Variants in ZNF689 observed in about 807,000 individuals in gnomAD.
The protein encoded by ZNF689 is short ORF-encoded histone-binding protein.
ZNF689 carries 14 observed loss-of-function variants against 37.2 expected under a neutral mutation model. The ratio of observed to expected loss-of-function variants is 0.38; its 90% CI spans 0.25 to 0.59. ZNF689 has a LOEUF of 0.59. Ranked by LOEUF, ZNF689 falls within the 20% of genes least tolerant of loss-of-function variation. The pLI is 0.68. For missense variants in ZNF689, 573 were observed against 700.2 expected, an observed-to-expected ratio of 0.82 and a Z score of 2.05; for synonymous variants, 277 against 283.3, an observed-to-expected ratio of 0.98 and a Z score of 0.22.
In ZNF689 at chr16:30,603,824, T is replaced by G. The variant is rs2052005299; in HGVS notation, c.*440A>C. 2 of 333,418 alleles carry G rather than the reference T, an allele frequency of 6.0e-6. No individual in the cohort carries two copies. Among genetic ancestry groups the G allele is most frequent in the Non-Finnish European group, 1.2e-5 (2 of 169,242 alleles). The allele number at this position is 333,418 out of a possible 1,614,324, so 20.7% of individuals were successfully genotyped here. ...TTCAAGCAATGGGTAGAAGACCACT[T>G]GGCAGGAGTGTTGCAAAAAGTGGGC... On this transcript the variant is annotated 3_prime_UTR_variant, in exon 3 of 3. Transcript: ENST00000287461.
chr16:30,609,267 CAAAAAAAAA>C (rs77079521), intron 2 of ZNF689, among the ~76,000 whole-genome samples: 10 of 60,722 alleles, frequency 1.6e-4, no homozygotes, highest in Admixed American at 3.8e-4. Context: ...AATGTTTCTA[CAAAAAAAAA>C]AAAAAAAAAA....
intron 2 of ZNF689, among the ~76,000 whole-genome samples, chr16:30,607,925 G>A (rs1031810305): frequency 3.9e-5 from 6 of 152,190 alleles, no homozygotes; most frequent in African/African-American, 1.4e-4. Flanking sequence ...TCGTGCCACT[G>A]CACTCCTGCC....
chr16:30,607,503 A>G (rs897526576), intron 2 of ZNF689, among the ~76,000 whole-genome samples: 3 of 151,860 alleles, frequency 2.0e-5, no homozygotes, highest in African/African-American at 7.3e-5. Context: ...AGTCAAGATG[A>G]TTACTTGAAA....
rs1416733975 is a variant in ZNF689, at chr16:30,602,709, G to C, written c.*1555C>G. The stretch of plus-strand genomic sequence containing the variant: ...AATTACATAAAGCTGTGTTCCCCCA[G>C]CTGCTCCCCTGCTTGTGCTGAGATC... On this transcript the variant is annotated 3_prime_UTR_variant, in exon 3 of 3. Transcript: ENST00000287461. 6.6e-6 allele frequency: 1 copy of C among 152,202 alleles called. No individual in the cohort carries two copies. Among genetic ancestry groups the C allele is most frequent in the African/African-American group, 2.4e-5 (1 of 41,442 alleles). The allele number at this position is 152,202 out of a possible 1,614,324, so 9.4% of individuals were successfully genotyped here.
chr16:30,604,654 C>A lies in ZNF689; in HGVS notation c.1113G>T (p.Lys371Asn). Residue 371 changes from lysine to asparagine, a missense_variant, in exon 3 of 3, where the codon AAG becomes AAT. This residue lies in a region of ZNF689 where 317 missense variants were observed against 367.1 expected (regional missense o/e 0.86). Coordinates refer to ENST00000287461, the MANE Select transcript of ZNF689 (RefSeq NM_138447.3). This position sits in a 1 kb window ranked among gnomAD's most constrained non-coding sequence, Gnocchi z 5.2. The stretch of plus-strand genomic sequence containing the variant: ...GCCCACAGTCTGGGCAGGGGTAGGG[C>A]TTCTCTCCGGTGTGCAAGAGCTGGT... The part of the protein sequence containing the change: ...LQHQLLHTGE[K>N]PYPCPDCGRA... 1 of 1,611,494 alleles carries A rather than the reference C, an allele frequency of 6.2e-7. No individual in the cohort carries two copies.
intron 2 of ZNF689, chr16:30,608,379 A>G (rs1254529415): frequency 6.6e-6 from 1 of 152,084 alleles, no homozygotes; most frequent in Non-Finnish European, 1.5e-5. Context: ...CCCAGGATCA[A>G]GCAATTCTCC....
At position 30,610,022 on chromosome 16, in the gene ZNF689, G is replaced by C. The variant is rs143395124; in HGVS notation, c.20C>G (p.Pro7Arg). The part of the protein sequence containing the change: MAPPSA[P>R]LPAQGPGKAR... ...CTTTCCTGGTCCCTGCGCAGGGAGC[G>C]GAGCCGAAGGTGGCGCCATGGGACC... The change falls in exon 1 of 3, where the codon CCG becomes CGG. Residue 7 changes from proline (P) to arginine (R), a missense_variant. This residue lies in a region of ZNF689 where 252 missense variants were observed against 313.3 expected (regional missense o/e 0.80). Transcript: ENST00000287461. The C allele has an allele frequency of 6.3e-7, 1 of 1,599,794 alleles. No individual in the cohort carries two copies. The highest frequency in any genetic ancestry group is 8.5e-7 in the Non-Finnish European group (1 of 1,174,630).
intron 2 of ZNF689, among the ~76,000 whole-genome samples, chr16:30,607,573 A>G (rs2151245576): frequency 6.6e-6 from 1 of 152,192 alleles, no homozygotes; most frequent in Middle Eastern, 3.4e-3. Flanking sequence ...CCTGGGTGGA[A>G]GAGCAAAACT....
rs776268453 is a variant in ZNF689, at chr16:30,604,068, G to T, written c.*196C>A. 12 of 727,088 alleles carry T rather than the reference G, an allele frequency of 1.7e-5. No individual in the cohort carries two copies. The highest frequency in any genetic ancestry group is 3.0e-5 in the Non-Finnish European group (12 of 406,194). 45.0% of individuals were successfully genotyped at this position (727,088 alleles called of 1,614,324 possible). On this transcript the variant is annotated 3_prime_UTR_variant, in exon 3 of 3. Coordinates refer to ENST00000287461, the MANE Select transcript of ZNF689 (RefSeq NM_138447.3). The surrounding 1 kb of genome is among the most constrained non-coding windows in gnomAD (Gnocchi z 5.2). ...GTAGCTTGGAAAACTTTAAGCAAAT[G>T]ACGTCACCTCTCCTAATGGGACTGT...
rs373446010 is a variant in ZNF689 at position 30,604,530 on chromosome 16, G to C, written c.1237C>G (p.Pro413Ala). The part of the protein sequence containing the change: ...CDDCGRRFAY[P>A]SLLASHRRVH... ...CGCCGGTGGCTGGCCAGCAGTGAGG[G>C]GTAGGCAAAGCGGCGACCACAGTCG... Residue 413 changes from proline to alanine, a missense_variant, in exon 3 of 3, where the codon CCC becomes GCC. By Grantham distance (27) the Pro-to-Ala change is conservative (BLOSUM62 -1). Coordinates refer to ENST00000287461, the MANE Select transcript of ZNF689 (RefSeq NM_138447.3). The surrounding 1 kb of genome is among the most constrained non-coding windows in gnomAD (Gnocchi z 5.2). The C allele has an allele frequency of 1.8e-5, 28 of 1,592,944 alleles. No individual in the cohort carries two copies. Among genetic ancestry groups the C allele is most frequent in the African/African-American group, 2.7e-5 (2 of 74,204 alleles).
At position 30,610,068 on chromosome 16, in the gene ZNF689, C is replaced by G. The variant is rs1039689535; in HGVS notation, c.-27G>C. 1.3e-6 allele frequency: 2 copies of G among 1,560,504 alleles called. No individual in the cohort carries two copies. The highest frequency in any genetic ancestry group is 2.7e-5 in the African/African-American group (2 of 73,532). On this transcript the variant is annotated 5_prime_UTR_variant, in exon 1 of 3. Transcript: ENST00000287461. The stretch of plus-strand genomic sequence containing the variant: ...GGACCCGAGAAGCCGGCGCCACGGC[C>G]TTCCGTGTCCAGGCCTCGGCCCTCG...
Position 30,604,930 on chromosome 16 carries a change from G to A in ZNF689, c.837C>T (p.His279=), listed in dbSNP as rs1306084389. ...GCTTCTCTCCCGTGTGTGTACGCTG[G>A]TGGATGGCTAGCAGGGAGGGGTAGG... The part of the protein sequence containing the change: ...RFAYPSLLAI[H]QRTHTGEKPY... The change falls in exon 3 of 3, where the codon CAC becomes CAT. Residue 279 remains histidine, a synonymous_variant. Coordinates refer to ENST00000287461, the MANE Select transcript of ZNF689 (RefSeq NM_138447.3). The surrounding 1 kb of genome is among the most constrained non-coding windows in gnomAD (Gnocchi z 5.2). 3 of 1,574,964 alleles carry A rather than the reference G, an allele frequency of 1.9e-6. No individual in the cohort carries two copies. The highest frequency in any genetic ancestry group is 2.6e-6 in the Non-Finnish European group (3 of 1,159,302).
rs1279183983 is a variant in ZNF689, at chr16:30,610,066, GC to G, written c.-26del. The G allele has an allele frequency of 6.4e-7, 1 of 1,562,718 alleles. No homozygotes were observed. Among genetic ancestry groups the G allele is most frequent in the African/African-American group, 1.4e-5 (1 of 73,502 alleles). ...TGGGACCCGAGAAGCCGGCGCCACG[GC>G]CTTCCGTGTCCAGGCCTCGGCCCTC... On this transcript the variant is annotated 5_prime_UTR_variant, in exon 1 of 3. Coordinates refer to ENST00000287461, the MANE Select transcript of ZNF689 (RefSeq NM_138447.3).
At chr16:30,609,177 G>A (rs898535588) in intron 2 of ZNF689, among the ~76,000 whole-genome samples, 1 of 148,872 alleles carries the variant, frequency 6.7e-6, no homozygotes, top group African/African-American at 2.5e-5. Context: ...AATGGCTCAC[G>A]CCAGTAACCC....
Position 30,604,854 on chromosome 16 carries a change from C to A in ZNF689, c.913G>T (p.Val305Phe), listed in dbSNP as rs867631918. The change falls in exon 3 of 3, where the codon GTC becomes TTC. Residue 305 changes from valine to phenylalanine, a missense_variant. Val to Phe is a conservative substitution (Grantham distance 50). This residue lies in a region of ZNF689 where 317 missense variants were observed against 367.1 expected (regional missense o/e 0.86). Coordinates refer to ENST00000287461, the MANE Select transcript of ZNF689 (RefSeq NM_138447.3). This position sits in a 1 kb window ranked among gnomAD's most constrained non-coding sequence, Gnocchi z 5.2. ...NRRFRQRTAL[V>F]IHQRIHTGEK... ...CCCGTGTGGATGCGCTGGTGGATGA[C>A]GAGGGCCGTGCGCTGGCGGAAGCGG... 6.3e-7 allele frequency: 1 copy of A among 1,595,358 alleles called. No individual in the cohort carries two copies. The highest frequency in any genetic ancestry group is 8.5e-7 in the Non-Finnish European group (1 of 1,170,648).
In ZNF689 at chr16:30,607,039, T is replaced by TC. The variant is rs1412414941; in HGVS notation, c.320-1593dup. 2.6e-5 allele frequency among the ~76,000 whole-genome samples: 4 copies of TC among 151,156 alleles called. No homozygotes were observed. In the East Asian group the frequency reaches 7.8e-4, roughly 30 times the overall value. On this transcript the variant is annotated intron_variant, in intron 2 of 2. Transcript: ENST00000287461. ...GCTGAGGCAGGCGGATCACCTGAGG[T>TC]CAGGAGTTCAAGACCAGCCTGGCCA... is the stretch of plus-strand genomic sequence containing the variant.
chr16:30,609,554 TC>T lies in ZNF689; in HGVS notation c.289del (p.Glu97SerfsTer6). On this transcript the variant is annotated frameshift_variant, in exon 2 of 3. Transcript: ENST00000287461. LOFTEE classifies it high-confidence loss of function. The stretch of plus-strand genomic sequence containing the variant: ...CTGGACTGTTAGCCCTCTCGGGTAC[TC>T]CTGCGGATCTAGAGCAGCCGGTTCC... ...DWEPAALDPQEYPRGLTVQRK... is the reference protein window; with the variant it reads ...DWEPAALDPQXYPRGLTVQRK... 1 of 1,614,092 alleles carries T rather than the reference TC, an allele frequency of 6.2e-7. No individual in the cohort carries two copies. Among genetic ancestry groups the T allele is most frequent in the Non-Finnish European group, 8.5e-7 (1 of 1,180,006 alleles).
Position 30,604,635 on chromosome 16 carries a change from A to G in ZNF689, c.1132T>C (p.Cys378Arg). The G allele has an allele frequency of 6.2e-7, 1 of 1,611,360 alleles. No homozygotes were observed. Among genetic ancestry groups the G allele is most frequent in the Non-Finnish European group, 8.5e-7 (1 of 1,179,090 alleles). The change falls in exon 3 of 3, where the codon TGT becomes CGT. Residue 378 changes from cysteine (C) to arginine (R), a missense_variant. Transcript: ENST00000287461. This position sits in a 1 kb window ranked among gnomAD's most constrained non-coding sequence, Gnocchi z 5.2. ...TGEKPYPCPD[C>R]GRAFRRSGSL... ...CCGCTCCGCCGGAAGGCACGCCCAC[A>G]GTCTGGGCAGGGGTAGGGCTTCTCT... is the stretch of plus-strand genomic sequence containing the variant.
intron 2 of ZNF689, among the ~76,000 whole-genome samples, chr16:30,607,368 G>A (rs891875414): frequency 4.0e-5 from 6 of 148,184 alleles, no homozygotes; most frequent in South Asian, 4.3e-4. Flanking sequence ...CAAGGTGGGC[G>A]GACTGTGAGG....
Sources: gnomAD v4.1 joint callset for allele counts (sites outside exome capture counted in the v4.1 genomes callset) on GRCh38, gnomAD v4.1.1 for gene constraint, gnomAD v4.1.1 regional missense constraint, Gnocchi (gnomAD v3.1) non-coding constraint, MANE v1.5 for transcripts, NCBI Gene and HGNC (gene_info 2026-07-23, HGNC 2026-07-21) for gene names.